The following ATIC variants were observed in gnomAD, a reference collection of about 807,000 sequenced individuals.
ATIC encodes the protein 5-aminoimidazole-4-carboxamide ribonucleotide formyltransferase/IMP cyclohydrolase, also known as bifunctional purine biosynthesis protein ATIC.
In ATIC, 64 loss-of-function variants were observed where a neutral mutation model predicts 72.5. The ratio of observed to expected loss-of-function variants is 0.88; its 90% CI spans 0.72 to 1.09. ATIC has a LOEUF of 1.09. ATIC is among the 50% of genes least tolerant of loss of function. ATIC has a pLI of 0.00. For missense variants in ATIC, 787 were observed against 732.4 expected (o/e 1.07, Z -0.86); for synonymous variants, 281 against 267.1 (o/e 1.05, Z -0.51).
At chr2:215,359,990 G>T in the ATIC span, among the ~76,000 whole-genome samples, 2 of 152,080 alleles carry the variant, frequency 1.3e-5, no homozygotes, top group East Asian at 3.9e-4. Flanking sequence ...CCATGCTGGA[G>T]TTCAATGGCA....
chr2:215,321,495 C>T (rs529014873), intron 4 of ATIC, among the ~76,000 whole-genome samples: 34 of 152,228 alleles, frequency 2.2e-4, no homozygotes, highest in Middle Eastern at 6.8e-3. Flanking sequence ...GGGGTATATA[C>T]CTAGGAGTGG....
chr2:215,360,614 A>G, the ATIC span: 1 of 152,436 alleles, frequency 6.6e-6, no homozygotes, highest in African/African-American at 2.4e-5. Context: ...TAAACTAGCA[A>G]TTTTAATAAA....
chr2:215,336,177 T>C, intron 11 of ATIC, 53 bp downstream of exon 11: 1 of 1,355,442 alleles, frequency 7.4e-7, no homozygotes, highest in Non-Finnish European at 1.1e-6. Flanking sequence ...TCTGTGTCTC[T>C]TTCTCCCTTG....
the ATIC span, chr2:215,361,858 G>GT: frequency 8.0e-6 from 11 of 1,383,586 alleles, no homozygotes; most frequent in Admixed American, 2.2e-5. Flanking sequence ...TCATTTATGA[G>GT]TTGTTTTTTT....
rs1418181160 is a variant in ATIC, at chr2:215,338,844, G to C, written c.1164G>C (p.Gln388His). The change falls in exon 12 of 16, where the codon CAG (glutamine) becomes CAC (histidine). Residue 388 changes from glutamine (Q) to histidine (H), a missense_variant. Transcript: ENST00000236959. The part of the protein sequence containing the change: ...VRTLFGLHLS[Q>H]KRNNGVVDKS... ...CTCTCTTTGGTCTTCATTTAAGCCAGAAGAGAAATAATGGTGTCGTCGACA... is the reference window on the plus strand; with the variant it reads ...CTCTCTTTGGTCTTCATTTAAGCCACAAGAGAAATAATGGTGTCGTCGACA... 1 of 1,613,892 alleles carries C rather than the reference G, an allele frequency of 6.2e-7. No individual in the cohort carries two copies. The highest frequency in any genetic ancestry group is 1.1e-5 in the South Asian group (1 of 91,074).
chr2:215,334,136 T>C (rs2052928001), intron 9 of ATIC, among the ~76,000 whole-genome samples: 1 of 151,936 alleles, frequency 6.6e-6, no homozygotes, highest in Admixed American at 6.6e-5. Context: ...GGCTATTGAA[T>C]GCATTTGTTA....
chr2:215,324,923 A>G (rs1177814976), intron 4 of ATIC, among the ~76,000 whole-genome samples: 3 of 152,172 alleles, frequency 2.0e-5, no homozygotes, highest in African/African-American at 7.2e-5. Flanking sequence ...AAAATGTTCT[A>G]TAAATTTTTC....
chr2:215,332,362 A>AT lies in ATIC; in HGVS notation c.689-19dup, dbSNP rs1559273701. The AT allele has an allele frequency of 2.5e-6, 4 of 1,613,976 alleles. No homozygotes were observed. Among genetic ancestry groups the AT allele is most frequent in the Middle Eastern group, 1.7e-4 (1 of 6,052 alleles). On this transcript the variant is annotated intron_variant, in intron 7 of 15. Transcript: ENST00000236959. The stretch of plus-strand genomic sequence containing the variant: ...TTACTGATCCTGCTTAGTAATGTGC[A>AT]TGTATATTTTTACATTTAGTTCTAA...
the ATIC span, among the ~76,000 whole-genome samples, chr2:215,357,881 C>T: frequency 6.6e-6 from 1 of 150,756 alleles, no homozygotes; most frequent in South Asian, 2.1e-4. Context: ...TGAATTGTCT[C>T]CCTTGAAAAT....
intron 12 of ATIC, among the ~76,000 whole-genome samples, chr2:215,342,315 G>A (rs903966187): frequency 4.0e-5 from 6 of 150,424 alleles, no homozygotes; most frequent in African/African-American, 1.5e-4. Flanking sequence ...ATACCTTAGA[G>A]TAATAAATTC....
chr2:215,321,673 A>G lies in ATIC; in HGVS notation c.290+1942A>G, dbSNP rs112520012. 8.9e-4 allele frequency among the ~76,000 whole-genome samples: 136 copies of G among 152,266 alleles called. 1 individual carries two copies. The highest frequency in any genetic ancestry group is 3.1e-3 in the African/African-American group (130 of 41,558). On this transcript the variant is annotated intron_variant, in intron 4 of 15. Transcript: ENST00000236959. ...CTGTCTTTTTGATTCTAGTCATTCT[A>G]GGGGTTCTGAAGTGGCATCTCATTG...
the ATIC span, chr2:215,365,737 G>C: frequency 1.0e-6 from 1 of 954,762 alleles, no homozygotes; most frequent in Non-Finnish European, 1.6e-6. Context: ...CCATGATCTG[G>C]AAAAATAGCA....
At chr2:215,346,097 C>G (rs898184781) in intron 13 of ATIC, among the ~76,000 whole-genome samples, 5 of 152,162 alleles carry the variant, frequency 3.3e-5, no homozygotes, top group African/African-American at 1.2e-4. Context: ...AATTTATACA[C>G]TGGGGCAAAC....
chr2:215,365,763 C>T, the ATIC span: 9 of 624,372 alleles, frequency 1.4e-5, no homozygotes, highest in East Asian at 2.2e-4. Context: ...AAGATAAAAA[C>T]CCCTATAATG....
rs149999349 is a variant in ATIC at position 215,349,566 on chromosome 2, G to A, written c.1690G>A (p.Gly564Ser). ...SGVAYIAAPS[G>S]SAADKVVIEA... ...TGTGGCGTACATTGCGGCTCCCTCCGGTTCTGCTGCTGACAAAGTTGTGAT... is the reference window on the plus strand; with the variant it reads ...TGTGGCGTACATTGCGGCTCCCTCCAGTTCTGCTGCTGACAAAGTTGTGAT... Residue 564 changes from glycine to serine, a missense_variant, in exon 16 of 16, where the codon GGT (glycine) becomes AGT (serine). By Grantham distance (56) the Gly-to-Ser change is moderately conservative. Transcript: ENST00000236959. 11 of 1,613,958 alleles carry A rather than the reference G, an allele frequency of 6.8e-6. No homozygotes were observed. The highest frequency in any genetic ancestry group is 2.2e-5 in the East Asian group (1 of 44,874).
intron 7 of ATIC, among the ~76,000 whole-genome samples, chr2:215,329,762 C>T (rs1236031274): frequency 6.6e-6 from 1 of 151,816 alleles, no homozygotes; most frequent in African/African-American, 2.4e-5. Context: ...GAAGGGGAAC[C>T]GGATACTCTT....
At chr2:215,356,973 T>C in the ATIC span, among the ~76,000 whole-genome samples, 3 of 152,240 alleles carry the variant, frequency 2.0e-5, no homozygotes, top group East Asian at 5.8e-4. Flanking sequence ...TGAAGTCGTA[T>C]GGTAACTGTT....
chr2:215,326,057 C>T lies in ATIC; in HGVS notation c.450C>T (p.Asp150=). ...ARVTVVCEPE[D]YVVVSTEMQS... is the part of the protein sequence containing the mutation. ...TGACAGTGGTGTGTGAACCAGAGGA[C>T]TATGTGGTGGTGTCCACGGAGATGC... Residue 150 remains aspartate, a synonymous_variant, in exon 6 of 16, where the codon GAC becomes GAT. Coordinates refer to ENST00000236959, the MANE Select transcript of ATIC (RefSeq NM_004044.7). 1 of 1,614,160 alleles carries T rather than the reference C, an allele frequency of 6.2e-7. No individual in the cohort carries two copies. Among genetic ancestry groups the T allele is most frequent in the Non-Finnish European group, 8.5e-7 (1 of 1,180,016 alleles).
intron 14 of ATIC, 118 bp from the exon 15 acceptor site, chr2:215,348,976 A>C (rs999876943): frequency 1.3e-5 from 11 of 856,586 alleles, no homozygotes; most frequent in Non-Finnish European, 1.7e-5. Flanking sequence ...AAATAATAAT[A>C]ATAATAAAAA....
Sources: allele counts gnomAD v4.1 joint callset (sites outside exome capture counted in the v4.1 genomes callset), GRCh38; gene constraint gnomAD v4.1.1; transcripts MANE v1.5; gene names NCBI Gene and HGNC (gene_info 2026-07-23, HGNC 2026-07-21).